The following THAP6 variants were observed in gnomAD, a reference collection of about 807,000 sequenced individuals.
The protein encoded by THAP6 is THAP domain-containing protein 6.
A neutral mutation model predicts 20.0 loss-of-function variants in THAP6; 13 were observed. The observed-to-expected ratio is 0.65, with a 90% CI of 0.42 to 1.03. The LOEUF is 1.03. THAP6 is among the 50% of genes least tolerant of loss of function. THAP6 has a pLI of 0.00. For missense variants in THAP6, 262 were observed against 261.6 expected (o/e 1.00, Z -0.01); for synonymous variants, 93 against 92.2 (o/e 1.01, Z -0.05).
At chr4:75,523,520 T>C (rs1726166120) in intron 4 of THAP6, among the ~76,000 whole-genome samples, 1 of 152,152 alleles carries the variant, frequency 6.6e-6, no homozygotes, top group Admixed American at 6.5e-5. Flanking sequence ...AAGAAATCTT[T>C]AGGCCGGGTG....
At chr4:75,521,319 G>A (rs1382448921) in intron 3 of THAP6, among the ~76,000 whole-genome samples, 1 of 151,792 alleles carries the variant, frequency 6.6e-6, no homozygotes, top group Non-Finnish European at 1.5e-5. Flanking sequence ...TATGTATAAA[G>A]GATACAACTG....
intron 3 of THAP6, 134 bp from the exon 4 acceptor site, chr4:75,521,602 T>G: frequency 4.3e-6 from 4 of 926,168 alleles, no homozygotes; most frequent in Non-Finnish European, 6.2e-6. Flanking sequence ...GGGTGGAATT[T>G]GCTGACTTTT....
At chr4:75,520,891 C>A (rs1392731054) in intron 3 of THAP6, among the ~76,000 whole-genome samples, 2 of 152,106 alleles carry the variant, frequency 1.3e-5, no homozygotes, top group African/African-American at 4.8e-5. Flanking sequence ...TATGAACACT[C>A]GTGCGTGTCT....
chr4:75,515,369 A>T, intron 1 of THAP6, 64 bp from the exon 2 acceptor site: 10 of 1,465,292 alleles, frequency 6.8e-6, no homozygotes, highest in Non-Finnish European at 9.5e-6. Flanking sequence ...AAACACCGGG[A>T]AAGGGAAAAT....
At chr4:75,531,496 C>G (rs887013461), downstream of THAP6, among the ~76,000 whole-genome samples, 2 of 152,174 alleles carry the variant, frequency 1.3e-5, no homozygotes, top group Non-Finnish European at 2.9e-5. Context: ...TCTGTGAGTC[C>G]TTCTAGTGAA....
chr4:75,540,086 C>A, intron 2 of THAP6: 1 of 1,094,666 alleles, frequency 9.1e-7, no homozygotes, highest in Non-Finnish European at 1.3e-6. Context: ...CACTCCAATA[C>A]TGACAAGCCA....
At chr4:75,525,617 A>T (rs887553516) in intron 4 of THAP6, among the ~76,000 whole-genome samples, 3 of 152,090 alleles carry the variant, frequency 2.0e-5, no homozygotes, top group Non-Finnish European at 4.4e-5. Context: ...TATTATGACT[A>T]ATGTTTTCCT....
intron 2 of THAP6, among the ~76,000 whole-genome samples, chr4:75,537,814 A>C (rs1441755943): frequency 6.6e-6 from 1 of 152,200 alleles, no homozygotes; most frequent in East Asian, 1.9e-4. Context: ...AGGTTGTGGT[A>C]ATGAATAGCC....
upstream of THAP6, chr4:75,514,079 A>C: frequency 1.4e-6 from 2 of 1,475,240 alleles, no homozygotes; most frequent in Non-Finnish European, 1.8e-6. Flanking sequence ...CCAGGTGGAA[A>C]AGGTATCCTG....
intron 3 of THAP6, chr4:75,517,507 T>A (rs1018966297): frequency 6.6e-6 from 1 of 152,410 alleles, no homozygotes; most frequent in Non-Finnish European, 1.5e-5. Flanking sequence ...TAAGGTTTGA[T>A]GAAGTGGGCT....
chr4:75,540,050 AATC>A, intron 2 of THAP6: 1 of 1,414,188 alleles, frequency 7.1e-7, no homozygotes, highest in Non-Finnish European at 9.4e-7. Flanking sequence ...GGAAAATTTC[AATC>A]ACCATCCTCC....
chr4:75,522,156 A>T (rs2148814227), intron 4 of THAP6: 1 of 391,916 alleles, frequency 2.6e-6, no homozygotes, highest in Middle Eastern at 6.8e-4. Flanking sequence ...TATGTAATAA[A>T]AAATAGCTAT....
chr4:75,544,783 T>A (rs1295537634), intron 3 of THAP6: 1 of 152,160 alleles, frequency 6.6e-6, no homozygotes, highest in Non-Finnish European at 1.5e-5. Context: ...TCTCTTTTAA[T>A]CTGTAGGTTC....
intron 4 of THAP6, among the ~76,000 whole-genome samples, chr4:75,525,351 G>A (rs1030567852): frequency 2.0e-5 from 3 of 151,896 alleles, no homozygotes; most frequent in African/African-American, 7.3e-5. Context: ...AGTCCATACT[G>A]GATAGTTCCT....
chr4:75,519,325 C>CT (rs35497751), intron 3 of THAP6, among the ~76,000 whole-genome samples: 43,844 of 142,226 alleles, frequency 0.31, 6,718 homozygotes, highest in Non-Finnish European at 0.35. Context: ...TGGGGCACAT[C>CT]TTTTTTTTTT....
At chr4:75,522,784 ATG>A (rs764245240) in intron 4 of THAP6, among the ~76,000 whole-genome samples, 2 of 152,108 alleles carry the variant, frequency 1.3e-5, no homozygotes, top group Non-Finnish European at 2.9e-5. Flanking sequence ...ATTTTTTTTA[ATG>A]GCTTAATAGT....
At chr4:75,515,344 A>G (rs1725498878) in intron 1 of THAP6, 89 bp from the exon 2 acceptor site, 2 of 1,236,854 alleles carry the variant, frequency 1.6e-6, no homozygotes, top group Non-Finnish European at 2.4e-6. Flanking sequence ...TTCTATCCTG[A>G]TTTTGTGTTT....
At chr4:75,534,151 A>G (rs1309551027), downstream of THAP6, among the ~76,000 whole-genome samples, 3 of 152,136 alleles carry the variant, frequency 2.0e-5, no homozygotes, top group African/African-American at 7.2e-5. Context: ...TTCTTAATCC[A>G]GTCTATCATT....
rs17000608 is a variant in THAP6, at chr4:75,527,431, C to A, written c.*217C>A. 1.8e-5 allele frequency: 24 copies of A among 1,332,366 alleles called. No individual in the cohort carries two copies. Among genetic ancestry groups the A allele is most frequent in the Non-Finnish European group, 2.3e-5 (24 of 1,042,144 alleles). 82.5% of individuals were successfully genotyped at this position (1,332,366 alleles called of 1,614,324 possible). A position where few individuals can be genotyped will look rare whatever the true frequency, so the allele number is the denominator to read the frequency against. On this transcript the variant is annotated 3_prime_UTR_variant, in exon 5 of 5. Coordinates refer to ENST00000311638, the MANE Select transcript of THAP6 (RefSeq NM_144721.6). ...TCTTGTGACAATTATGTTTTATAGA[C>A]CTACACTAGTGCCAGGTCACTATTG...
Sources: allele counts gnomAD v4.1 joint callset (sites outside exome capture counted in the v4.1 genomes callset), GRCh38; gene constraint gnomAD v4.1.1; transcripts MANE v1.5; gene names NCBI Gene and HGNC (gene_info 2026-07-23, HGNC 2026-07-21).